The following MGAT4C variants were observed in gnomAD, a reference collection of about 807,000 sequenced individuals.
The protein encoded by MGAT4C is alpha-1,3-mannosyl-glycoprotein 4-beta-N-acetylglucosaminyltransferase C.
A neutral mutation model predicts 40.1 loss-of-function variants in MGAT4C; 19 were observed. The observed-to-expected ratio is 0.47, with a 90% CI of 0.33 to 0.70. The LOEUF (loss-of-function observed/expected upper bound fraction) is 0.70, where lower values mean the gene tolerates loss of function less well. MGAT4C is among the 30% of genes least tolerant of loss of function. The pLI, the probability that MGAT4C is intolerant of heterozygous loss-of-function variation, is 0.02. For missense variants in MGAT4C, 491 were observed against 563.2 expected, an observed-to-expected ratio of 0.87 and a Z score of 1.30; for synonymous variants, 181 against 187.1, an observed-to-expected ratio of 0.97 and a Z score of 0.27.
chr12:86,173,443 T>G (rs926565494), intron 1 of MGAT4C, among the ~76,000 whole-genome samples: 1 of 152,148 alleles, frequency 6.6e-6, no homozygotes, highest in Non-Finnish European at 1.5e-5. Flanking sequence ...TAAGGATATT[T>G]CAATTAACTA....
At chr12:86,611,388 A>AGGTAGG (rs1962260901) in intron 2 of MGAT4C, among the ~76,000 whole-genome samples, 2 of 148,106 alleles carry the variant, frequency 1.4e-5, no homozygotes, top group African/African-American at 5.1e-5. Flanking sequence ...GGTCCCATAG[A>AGGTAGG]TAGGTAGGTA....
At chr12:86,435,746 A>T (rs1208565678) in intron 2 of MGAT4C, among the ~76,000 whole-genome samples, 1 of 151,876 alleles carries the variant, frequency 6.6e-6, no homozygotes, top group Admixed American at 6.6e-5. Context: ...CACACCCCAG[A>T]GTCTGAGACC....
At chr12:86,544,754 A>T (rs1959184437) in intron 2 of MGAT4C, among the ~76,000 whole-genome samples, 1 of 152,130 alleles carries the variant, frequency 6.6e-6, no homozygotes, top group Non-Finnish European at 1.5e-5. Flanking sequence ...ATAGCATAGG[A>T]TTAAAGAAAA....
Position 86,498,852 on chromosome 12 carries a change from C to A in MGAT4C, c.-228-63587G>T, listed in dbSNP as rs184262366. Among the ~76,000 whole-genome samples, 3 of 151,946 alleles carry A rather than the reference C, an allele frequency of 2.0e-5. No homozygotes were observed. The East Asian group carries it at 5.8e-4, about 29-fold the overall frequency. The stretch of plus-strand genomic sequence containing the variant: ...GCGCAAAACTGTAAACATCGAATAA[C>A]ATCATGGGACGTATAAGAAATCACT... On this transcript the variant is annotated intron_variant, in intron 2 of 7. Coordinates refer to the MGAT4C transcript ENST00000548651.
intron 1 of MGAT4C, among the ~76,000 whole-genome samples, chr12:86,186,456 A>G (rs191621712): frequency 1.3e-5 from 2 of 152,258 alleles, no homozygotes; most frequent in East Asian, 3.9e-4. Context: ...CTAAACATTA[A>G]ATGTAAATGC....
chr12:86,279,657 C>CTTTT (rs34788484), intron 4 of MGAT4C, among the ~76,000 whole-genome samples: 2 of 146,836 alleles, frequency 1.4e-5, no homozygotes, highest in Admixed American at 6.7e-5. Context: ...CTGCTCTGAT[C>CTTTT]TTTTTTTTTT....
rs555664897 is a variant in MGAT4C at position 86,280,163 on chromosome 12, C to G, written c.-57+53902G>C. On this transcript the variant is annotated intron_variant, in intron 4 of 7. Coordinates refer to the MGAT4C transcript ENST00000548651. ...GTCAATATTTATTCAGTCAATTGGT[C>G]TATAGTGCAGATTAAGTTCAATTTT... is the stretch of plus-strand genomic sequence containing the variant. 9.9e-5 allele frequency among the ~76,000 whole-genome samples: 15 copies of G among 152,058 alleles called. No homozygotes were observed. The South Asian group carries it at 3.1e-3, about 32-fold the overall frequency.
intron 1 of MGAT4C, among the ~76,000 whole-genome samples, chr12:86,755,472 C>T (rs1951286971): frequency 6.6e-6 from 1 of 152,084 alleles, no homozygotes; most frequent in South Asian, 2.1e-4. Context: ...TTCCTGATTT[C>T]CTGAACTGTG....
At chr12:86,156,730 T>A (rs1884983367) in intron 1 of MGAT4C, among the ~76,000 whole-genome samples, 1 of 152,096 alleles carries the variant, frequency 6.6e-6, no homozygotes, top group Non-Finnish European at 1.5e-5. Context: ...CTCTATAAGG[T>A]TTTGTTATGT....
intron 4 of MGAT4C, among the ~76,000 whole-genome samples, chr12:86,270,177 C>T (rs753773693): frequency 3.3e-4 from 50 of 152,228 alleles, no homozygotes; most frequent in Non-Finnish European, 5.9e-4. Flanking sequence ...AGAGATTCTC[C>T]GGCCTCAGCC....
intron 1 of MGAT4C, among the ~76,000 whole-genome samples, chr12:86,836,886 C>CT (rs1251139795): frequency 6.6e-6 from 1 of 152,016 alleles, no homozygotes; most frequent in Non-Finnish European, 1.5e-5. Flanking sequence ...GAAATGCTTT[C>CT]TTTTTTTCCT....
At chr12:86,465,306 C>G (rs904262536) in intron 2 of MGAT4C, among the ~76,000 whole-genome samples, 1 of 151,846 alleles carries the variant, frequency 6.6e-6, no homozygotes, top group African/African-American at 2.4e-5. Flanking sequence ...CTTAAATGAC[C>G]TTGGGTATGG....
intron 2 of MGAT4C, among the ~76,000 whole-genome samples, chr12:86,611,491 TAGA>T (rs1962276406): frequency 6.6e-6 from 1 of 151,868 alleles, no homozygotes; most frequent in South Asian, 2.1e-4. Context: ...GATAGATAGA[TAGA>T]TAGATACATG....
chr12:86,398,345 T>A (rs1399815092), intron 3 of MGAT4C, among the ~76,000 whole-genome samples: 2 of 152,130 alleles, frequency 1.3e-5, no homozygotes, highest in East Asian at 1.9e-4. Context: ...ACCTGGATAA[T>A]CCAAGATAAT....
rs151305218 is a variant in MGAT4C, at chr12:86,122,676, A to G, written c.-56-72953T>C. Among the ~76,000 whole-genome samples the G allele has an allele frequency of 5.1e-3, 784 of 152,290 alleles. 4 individuals are homozygous for G. The highest frequency in any genetic ancestry group is 0.01 in the Middle Eastern group (3 of 294). ...AATGGTTCTATTAAGCTTCGAATTA[A>G]TCTGCTAGGAGATGCTATAAAGTGC... On this transcript the variant is annotated intron_variant, in intron 1 of 4. Coordinates refer to ENST00000611864, the MANE Select transcript of MGAT4C (RefSeq NM_001351288.2).
chr12:86,694,844 A>T (rs1397337251), intron 2 of MGAT4C, among the ~76,000 whole-genome samples: 1 of 152,196 alleles, frequency 6.6e-6, no homozygotes, highest in Non-Finnish European at 1.5e-5. Context: ...GCTCTCTGGA[A>T]CATTGGTCTG....
At chr12:86,169,916 T>G (rs1397245814) in intron 1 of MGAT4C, among the ~76,000 whole-genome samples, 2 of 152,190 alleles carry the variant, frequency 1.3e-5, no homozygotes, top group African/African-American at 2.4e-5. Context: ...GTATCCTCAT[T>G]TTACAAATAT....
At chr12:86,766,403 C>T (rs967279943) in intron 1 of MGAT4C, among the ~76,000 whole-genome samples, 2 of 152,034 alleles carry the variant, frequency 1.3e-5, no homozygotes, top group Admixed American at 6.6e-5. Context: ...ACTTAGACTC[C>T]CATACATTAA....
At chr12:86,728,960 G>A (rs1950866352) in intron 1 of MGAT4C, among the ~76,000 whole-genome samples, 1 of 152,068 alleles carries the variant, frequency 6.6e-6, no homozygotes, top group Admixed American at 6.6e-5. Flanking sequence ...GAATAAGAAG[G>A]ATTAATTCAC....
Sources: allele counts gnomAD v4.1 joint callset (sites outside exome capture counted in the v4.1 genomes callset), GRCh38; gene constraint gnomAD v4.1.1; transcripts MANE v1.5; gene names NCBI Gene and HGNC (gene_info 2026-07-23, HGNC 2026-07-21).